Variants in DNMT3B observed in about 807,000 individuals in gnomAD.
DNMT3B encodes the protein DNA methyltransferase 3 beta.
A neutral mutation model predicts 120.2 loss-of-function variants in DNMT3B; 37 were observed. The observed-to-expected ratio is 0.31, with a 90% CI of 0.24 to 0.40. The LOEUF (loss-of-function observed/expected upper bound fraction) is 0.40. Ranked by LOEUF, DNMT3B falls within the 10% of genes least tolerant of loss-of-function variation. The pLI, the probability that DNMT3B is intolerant of heterozygous loss-of-function variation, is 1.00. For synonymous variants in DNMT3B, 412 were observed against 442.8 expected, an observed-to-expected ratio of 0.93 and a Z score of 0.87; for missense variants, 878 against 1,137.3, an observed-to-expected ratio of 0.77 and a Z score of 3.28.
At position 32,762,624 on chromosome 20, in the gene DNMT3B, G is replaced by A; in HGVS notation, c.-82G>A. The A allele has an allele frequency of 3.7e-6, 1 of 270,712 alleles. No individual in the cohort carries two copies. Among genetic ancestry groups the A allele is most frequent in the South Asian group, 3.2e-5 (1 of 31,650 alleles). The allele number at this position is 270,712 out of a possible 1,614,324, so 16.8% of individuals were successfully genotyped here. On this transcript the variant is annotated 5_prime_UTR_variant, in exon 1 of 23. Coordinates refer to ENST00000328111, the MANE Select transcript of DNMT3B (RefSeq NM_006892.4). The stretch of plus-strand genomic sequence containing the variant: ...CGCGAGCCCAGCGCCCTGCACGGCC[G>A]CCAGCCGGCCTCCCGCCAGCCAGCC...
intron 1 of DNMT3B, 138 bp from the exon 2 acceptor site, chr20:32,780,180 G>A: frequency 6.2e-7 from 1 of 1,613,162 alleles, no homozygotes; most frequent in Non-Finnish European, 8.5e-7. Flanking sequence ...GCCTGGGTGG[G>A]GTACTTGGGC....
chr20:32,807,646 C>T, intron 22 of DNMT3B, 116 bp from the exon 23 acceptor site: 2 of 1,499,992 alleles, frequency 1.3e-6, no homozygotes. Flanking sequence ...CCTTGGGGAC[C>T]TTACTGATGG....
intron 6 of DNMT3B, 121 bp downstream of exon 6, chr20:32,787,572 T>C: frequency 5.3e-6 from 6 of 1,135,798 alleles, no homozygotes; most frequent in Non-Finnish European, 7.8e-6. Context: ...GTAATTGTAA[T>C]AATTGACATG....
intron 3 of DNMT3B, among the ~76,000 whole-genome samples, chr20:32,783,015 C>T (rs1306020910): frequency 6.6e-6 from 1 of 152,128 alleles, no homozygotes. Context: ...TTACTGCCTC[C>T]CAGGCCCAAG....
At chr20:32,785,931 T>A (rs1334136074) in intron 4 of DNMT3B, among the ~76,000 whole-genome samples, 1 of 152,030 alleles carries the variant, frequency 6.6e-6, no homozygotes, top group South Asian at 2.1e-4. Context: ...TTGCCCAGGC[T>A]GGAGTGCAGT....
chr20:32,784,731 T>G, intron 3 of DNMT3B, 27 bp from the exon 4 acceptor site: 1 of 1,613,030 alleles, frequency 6.2e-7, no homozygotes, highest in Non-Finnish European at 8.5e-7. Context: ...GGGGTCTTCA[T>G]CATGTTCATC....
At chr20:32,767,032 G>T (rs1012293656) in intron 1 of DNMT3B, among the ~76,000 whole-genome samples, 2 of 151,972 alleles carry the variant, frequency 1.3e-5, no homozygotes, top group African/African-American at 4.8e-5. Flanking sequence ...CTGGGACTAC[G>T]GGCGTGGTGG....
chr20:32,770,706 G>A lies in DNMT3B; in HGVS notation c.-7+8007G>A, dbSNP rs577796325. Among the ~76,000 whole-genome samples the A allele has an allele frequency of 1.0e-4, 15 of 149,692 alleles. No individual in the cohort carries two copies. The South Asian group carries it at 3.2e-3, about 32-fold the overall frequency. Reference sequence around the variant, plus strand: ...TGGTTCACCACAACCTCCGCCTCCCGGGTTCAAGTGATTCTCTTGCCTCAG... The same window carrying A: ...TGGTTCACCACAACCTCCGCCTCCCAGGTTCAAGTGATTCTCTTGCCTCAG... On this transcript the variant is annotated intron_variant, in intron 1 of 22. Coordinates refer to ENST00000328111, the MANE Select transcript of DNMT3B (RefSeq NM_006892.4).
chr20:32,804,689 T>G (rs1415872098), intron 20 of DNMT3B, among the ~76,000 whole-genome samples: 1 of 145,066 alleles, frequency 6.9e-6, no homozygotes, highest in Admixed American at 6.7e-5. Context: ...TTAGTCTTTT[T>G]TTTTTTTTTT....
In DNMT3B at chr20:32,790,383, T is replaced by G. The variant is rs568479091; in HGVS notation, c.814-1218T>G. 2.6e-5 allele frequency among the ~76,000 whole-genome samples: 4 copies of G among 152,198 alleles called. No individual in the cohort carries two copies. In the South Asian group the frequency reaches 6.2e-4, roughly 24 times the overall value. ...AAGATAGAGTCTGAGGCTAATACAA[T>G]GCAGTGTGGGGCTGTCAGCATTAGG... On this transcript the variant is annotated intron_variant, in intron 7 of 22. Coordinates refer to ENST00000328111, the MANE Select transcript of DNMT3B (RefSeq NM_006892.4).
chr20:32,797,506 C>CT (rs34031725), intron 14 of DNMT3B, among the ~76,000 whole-genome samples: 1 of 152,014 alleles, frequency 6.6e-6, no homozygotes, highest in East Asian at 1.9e-4. Context: ...GGGAACGGCT[C>CT]TTTTTTTTGA....
intron 10 of DNMT3B, 31 bp downstream of exon 10, chr20:32,793,626 T>C: frequency 6.2e-7 from 1 of 1,608,852 alleles, no homozygotes; most frequent in South Asian, 1.1e-5. Flanking sequence ...GACTGTGCCC[T>C]GTTTTCTATG....
intron 1 of DNMT3B, among the ~76,000 whole-genome samples, chr20:32,772,887 T>TG (rs1987826942): frequency 6.6e-6 from 1 of 151,066 alleles, no homozygotes; most frequent in Non-Finnish European, 1.5e-5. Flanking sequence ...TTTTTTTTTT[T>TG]TTTTTGAGAT....
intron 7 of DNMT3B, among the ~76,000 whole-genome samples, chr20:32,791,025 A>C (rs768257613): frequency 6.6e-6 from 1 of 152,196 alleles, no homozygotes; most frequent in African/African-American, 2.4e-5. Flanking sequence ...CAGTCAGTTC[A>C]TGCTTGGTCC....
chr20:32,780,211 G>A, intron 1 of DNMT3B, 107 bp from the exon 2 acceptor site: 1 of 1,612,830 alleles, frequency 6.2e-7, no homozygotes, highest in East Asian at 2.2e-5. Flanking sequence ...CCCTAAGAAT[G>A]CATCCTGGGG....
intron 1 of DNMT3B, among the ~76,000 whole-genome samples, chr20:32,768,704 A>T (rs986256867): frequency 6.6e-6 from 1 of 152,100 alleles, no homozygotes; most frequent in African/African-American, 2.4e-5. Flanking sequence ...GGAGATGGGA[A>T]TGGGGAGGCA....
intron 3 of DNMT3B, among the ~76,000 whole-genome samples, chr20:32,783,902 T>C (rs1188815085): frequency 1.5e-5 from 2 of 130,600 alleles, no homozygotes; most frequent in African/African-American, 6.8e-5. Context: ...ACTTTTGTAT[T>C]TGTATTTGTA....
At chr20:32,764,204 G>A (rs754565543) in intron 1 of DNMT3B, among the ~76,000 whole-genome samples, 1 of 152,144 alleles carries the variant, frequency 6.6e-6, no homozygotes, top group South Asian at 2.1e-4. Flanking sequence ...TGCTCTCCGT[G>A]CCTTAATTAT....
chr20:32,789,006 C>T lies in DNMT3B; in HGVS notation c.807C>T (p.Phe269=). Residue 269 remains phenylalanine, a synonymous_variant, in exon 7 of 23, where the codon TTC becomes TTT. Transcript: ENST00000328111. ...RWVQWFGDGK[F]SEVSADKLVA... ...TCCAGTGGTTTGGCGATGGCAAGTT[C>T]TCCGAGGTGAGTCCGGGGAAGGGCA... The T allele has an allele frequency of 6.2e-7, 1 of 1,614,100 alleles. No homozygotes were observed. The highest frequency in any genetic ancestry group is 8.5e-7 in the Non-Finnish European group (1 of 1,180,024).
Sources: gnomAD v4.1 joint callset for allele counts (sites outside exome capture counted in the v4.1 genomes callset) on GRCh38, gnomAD v4.1.1 for gene constraint, MANE v1.5 for transcripts, NCBI Gene and HGNC (gene_info 2026-07-23, HGNC 2026-07-21) for gene names.